Variants in SNTG1 observed in about 807,000 individuals in gnomAD.
SNTG1 encodes the protein syntrophin gamma 1, also known as gamma-1-syntrophin.
Under a neutral mutation model 74.7 loss-of-function variants are expected in SNTG1, and 39 were observed. That is an observed-to-expected ratio of 0.52 (90% CI 0.40 to 0.68). SNTG1 has a LOEUF of 0.68. Ranked by LOEUF, SNTG1 falls within the 30% of genes least tolerant of loss-of-function variation. The probability of loss-of-function intolerance (pLI) is 0.00; values close to 1 mark genes in which losing one functional copy is unlikely to be tolerated. For synonymous variants in SNTG1, 254 were observed against 217.1 expected (o/e 1.17, Z -1.49); for missense variants, 685 against 609.5 (o/e 1.12, Z -1.30).
At chr8:49,998,484 T>C (rs1172970997) in intron 1 of SNTG1, among the ~76,000 whole-genome samples, 2 of 152,116 alleles carry the variant, frequency 1.3e-5, no homozygotes, top group Non-Finnish European at 2.9e-5. Flanking sequence ...ACAGACACAT[T>C]ATAAAACTGT....
intron 2 of SNTG1, among the ~76,000 whole-genome samples, chr8:50,339,312 G>A (rs776287875): frequency 3.3e-5 from 5 of 151,924 alleles, no homozygotes; most frequent in Non-Finnish European, 7.4e-5. Flanking sequence ...ATTCTTCAGA[G>A]AGAAGAAAAA....
At chr8:50,457,924 G>A (rs1367948756) in intron 8 of SNTG1, 1 of 152,204 alleles carries the variant, frequency 6.6e-6, no homozygotes, top group Non-Finnish European at 1.5e-5. Flanking sequence ...TCAGAACACT[G>A]GCAGCCGGTT....
chr8:50,671,937 C>T (rs1046030387), intron 15 of SNTG1, among the ~76,000 whole-genome samples: 11 of 150,008 alleles, frequency 7.3e-5, no homozygotes, highest in South Asian at 4.2e-4. Flanking sequence ...AGTAAACTAT[C>T]GCAAGGACAA....
chr8:50,213,937 G>A (rs941737937), intron 2 of SNTG1, among the ~76,000 whole-genome samples: 1 of 151,798 alleles, frequency 6.6e-6, no homozygotes, highest in Non-Finnish European at 1.5e-5. Context: ...AGTTTAATTA[G>A]ATCCCATTTG....
chr8:50,224,758 A>G (rs577518690), intron 2 of SNTG1, among the ~76,000 whole-genome samples: 1 of 152,242 alleles, frequency 6.6e-6, no homozygotes, highest in African/African-American at 2.4e-5. Context: ...ACATTGAAAC[A>G]GAGACCTTAA....
chr8:49,959,396 G>A lies in SNTG1; in HGVS notation c.-103+47165G>A, dbSNP rs183993874. On this transcript the variant is annotated intron_variant, in intron 1 of 18. Transcript: ENST00000642720. ...AAATGCTCTGGCATCACACTCATTG[G>A]CCCTTGACTTGTTTTCCACAGAGGT... Among the ~76,000 whole-genome samples the A allele has an allele frequency of 2.1e-3, 321 of 152,284 alleles. 3 individuals are homozygous for A. In the South Asian group the frequency reaches 0.022, roughly 10 times the overall value.
chr8:49,960,610 C>A (rs913943299), intron 1 of SNTG1, among the ~76,000 whole-genome samples: 11 of 151,876 alleles, frequency 7.2e-5, no homozygotes, highest in African/African-American at 2.7e-4. Flanking sequence ...TCAAATGGCA[C>A]CATGTGTTAG....
At chr8:50,346,503 C>T (rs1015323258) in intron 2 of SNTG1, among the ~76,000 whole-genome samples, 8 of 152,202 alleles carry the variant, frequency 5.3e-5, no homozygotes, top group Non-Finnish European at 7.3e-5. Flanking sequence ...CAATTAATAA[C>T]TCCACAATGG....
At chr8:50,148,372 C>T (rs1033713703) in intron 1 of SNTG1, among the ~76,000 whole-genome samples, 9 of 152,036 alleles carry the variant, frequency 5.9e-5, no homozygotes, top group African/African-American at 9.7e-5. Context: ...GAATAAAGTA[C>T]ATAAAGTGAG....
intron 1 of SNTG1, among the ~76,000 whole-genome samples, chr8:50,113,814 A>C (rs541248678): frequency 7.0e-4 from 106 of 152,322 alleles, no homozygotes; most frequent in African/African-American, 2.1e-3. Flanking sequence ...ATTTTAAATG[A>C]TTAGTTAATG....
At chr8:50,728,768 C>T (rs2131613430) in intron 17 of SNTG1, among the ~76,000 whole-genome samples, 1 of 152,234 alleles carries the variant, frequency 6.6e-6, no homozygotes, top group East Asian at 1.9e-4. Flanking sequence ...TTGTTTGGGG[C>T]TTTTTCCTCG....
chr8:50,045,491 C>T (rs571471922), intron 1 of SNTG1, among the ~76,000 whole-genome samples: 1 of 152,222 alleles, frequency 6.6e-6, no homozygotes, highest in African/African-American at 2.4e-5. Context: ...GATCCAATCA[C>T]CTCCCACCAG....
At position 50,796,562 on chromosome 8, in the gene SNTG1, T is replaced by C. The variant is rs1802820560; in HGVS notation, c.*3733T>C. 1 of 152,034 alleles carries C rather than the reference T, an allele frequency of 6.6e-6. No individual in the cohort carries two copies. 9.4% of individuals were successfully genotyped at this position (152,034 alleles called of 1,614,324 possible). A position where few individuals can be genotyped will look rare whatever the true frequency, so the allele number is the denominator to read the frequency against. On this transcript the variant is annotated 3_prime_UTR_variant, in exon 19 of 19. Coordinates refer to ENST00000642720, the MANE Select transcript of SNTG1 (RefSeq NM_018967.5). Reference sequence around the variant, plus strand: ...TTTTAATTGTTTTGGTGGATGTTTGTAAAATGTAAATTAATATCTGTGACA... The same window carrying C: ...TTTTAATTGTTTTGGTGGATGTTTGCAAAATGTAAATTAATATCTGTGACA...
At chr8:50,194,037 G>T (rs1181600983) in intron 2 of SNTG1, among the ~76,000 whole-genome samples, 2 of 152,080 alleles carry the variant, frequency 1.3e-5, no homozygotes, top group Non-Finnish European at 2.9e-5. Context: ...GATCATGGTG[G>T]ATCATCTTTT....
At chr8:49,992,488 C>T (rs904171714) in intron 1 of SNTG1, among the ~76,000 whole-genome samples, 1 of 152,118 alleles carries the variant, frequency 6.6e-6, no homozygotes, top group Non-Finnish European at 1.5e-5. Context: ...AGCAAGTTAA[C>T]TTTTCTATTA....
intron 15 of SNTG1, among the ~76,000 whole-genome samples, chr8:50,690,101 T>G (rs2095371078): frequency 1.3e-5 from 2 of 152,200 alleles, no homozygotes; most frequent in Admixed American, 6.5e-5. Context: ...GATATCCCCT[T>G]TATCATTTTT....
intron 1 of SNTG1, among the ~76,000 whole-genome samples, chr8:49,938,375 A>C (rs565067142): frequency 6.6e-6 from 1 of 152,212 alleles, no homozygotes; most frequent in South Asian, 2.1e-4. Flanking sequence ...TATAATCCCC[A>C]CTATTTTGTA....
chr8:50,480,252 G>A (rs2093729129), intron 8 of SNTG1, among the ~76,000 whole-genome samples: 1 of 151,902 alleles, frequency 6.6e-6, no homozygotes, highest in South Asian at 2.1e-4. Context: ...TTAGTGATGG[G>A]TATGGTCATC....
At chr8:50,448,070 A>C (rs2093422356) in intron 5 of SNTG1, among the ~76,000 whole-genome samples, 1 of 152,308 alleles carries the variant, frequency 6.6e-6, no homozygotes, top group African/African-American at 2.4e-5. Context: ...TCTTAGACAC[A>C]GTCTGTGTTT....
Sources: gnomAD v4.1 joint callset for allele counts (sites outside exome capture counted in the v4.1 genomes callset) on GRCh38, gnomAD v4.1.1 for gene constraint, MANE v1.5 for transcripts, NCBI Gene and HGNC (gene_info 2026-07-23, HGNC 2026-07-21) for gene names.